The following NEK10 variants were observed in gnomAD, a reference collection of about 807,000 sequenced individuals.
NEK10 encodes NIMA related kinase 10.
In NEK10, 122 loss-of-function variants were observed where a neutral mutation model predicts 159.8. That is an observed-to-expected ratio of 0.76 (90% CI 0.66 to 0.89). NEK10 has a LOEUF of 0.89. Among genes scored for constraint, NEK10 ranks in the 40% least tolerant of loss-of-function variants. NEK10 has a pLI of 0.00. For missense variants in NEK10, 1,342 were observed against 1,323.1 expected (o/e 1.01, Z -0.22); for synonymous variants, 466 against 457.1 (o/e 1.02, Z -0.25).
intron 30 of NEK10, among the ~76,000 whole-genome samples, chr3:27,158,823 TAAC>T (rs1410821996): frequency 6.6e-6 from 1 of 152,206 alleles, no homozygotes; most frequent in Non-Finnish European, 1.5e-5. Context: ...ATAGAATCCA[TAAC>T]ATTATAGTAT....
In NEK10 at chr3:27,347,879, T is replaced by C. The variant is rs150491904; in HGVS notation, c.133-1663A>G. ...TTAGAAAATTTACTCAATCTCTCTG[T>C]GCATCAGTTTCTGTATCATTAAAAT... On this transcript the variant is annotated intron_variant, in intron 3 of 35. Coordinates refer to ENST00000691995, the MANE Select transcript of NEK10 (RefSeq NM_001394966.1). Among the ~76,000 whole-genome samples the C allele has an allele frequency of 3.9e-5, 6 of 152,300 alleles. No individual in the cohort carries two copies. The East Asian group carries it at 9.6e-4, about 24-fold the overall frequency.
At chr3:27,203,644 A>G (rs980202027) in intron 23 of NEK10, among the ~76,000 whole-genome samples, 1 of 152,192 alleles carries the variant, frequency 6.6e-6, no homozygotes, top group African/African-American at 2.4e-5. Context: ...GTCTGGCCTC[A>G]GTACTCTAAT....
rs1341849306 is a variant in NEK10, at chr3:27,211,229, T to C, written c.2091-8672A>G. Among the ~76,000 whole-genome samples, 3 of 152,208 alleles carry C rather than the reference T, an allele frequency of 2.0e-5. No homozygotes were observed. In the East Asian group the frequency reaches 5.8e-4, roughly 29 times the overall value. On this transcript the variant is annotated intron_variant, in intron 23 of 35. Coordinates refer to ENST00000691995, the MANE Select transcript of NEK10 (RefSeq NM_001394966.1). ...GCGACATTCCAATTTATGTAGAATC[T>C]GTTCATGAGATAATAAATGTGCAAG...
chr3:27,304,665 A>G, intron 12 of NEK10, 82 bp downstream of exon 12: 1 of 858,872 alleles, frequency 1.2e-6, no homozygotes, highest in Non-Finnish European at 2.0e-6. Context: ...ATGAGGTGAC[A>G]CACACCAATC....
intron 35 of NEK10, among the ~76,000 whole-genome samples, chr3:27,114,333 A>C (rs1312459400): frequency 6.6e-6 from 1 of 152,174 alleles, no homozygotes; most frequent in Non-Finnish European, 1.5e-5. Context: ...AAATCTCTCC[A>C]GGGATGGTGG....
intron 23 of NEK10, among the ~76,000 whole-genome samples, chr3:27,248,123 A>G (rs962509725): frequency 2.6e-5 from 4 of 151,802 alleles, no homozygotes; most frequent in African/African-American, 7.3e-5. Context: ...CTAGTAATTT[A>G]CTTACTTCTA....
intron 26 of NEK10, among the ~76,000 whole-genome samples, chr3:27,184,224 T>C (rs1047869308): frequency 3.3e-5 from 5 of 152,208 alleles, no homozygotes; most frequent in Non-Finnish European, 7.4e-5. Context: ...GGTGTAGTCA[T>C]ATAATTTAAC....
chr3:27,211,557 C>T (rs1951010132), intron 23 of NEK10, among the ~76,000 whole-genome samples: 1 of 152,090 alleles, frequency 6.6e-6, no homozygotes, highest in South Asian at 2.1e-4. Context: ...TCCATTAGGT[C>T]CAGTTTGGTA....
chr3:27,282,533 A>C (rs113646865), intron 22 of NEK10, among the ~76,000 whole-genome samples: 10,074 of 58,302 alleles, frequency 0.17, 1,226 homozygotes, highest in African/African-American at 0.27. Context: ...ATATACATAA[A>C]TGTGTTATAT....
intron 30 of NEK10, 75 bp downstream of exon 30, chr3:27,162,626 T>C (rs759723356): frequency 1.5e-5 from 24 of 1,614,056 alleles, no homozygotes; most frequent in Non-Finnish European, 1.9e-5. Context: ...GGGGGAAAGA[T>C]ATGAAACTGT....
At chr3:27,220,040 A>G (rs1017393606) in intron 23 of NEK10, among the ~76,000 whole-genome samples, 2 of 152,260 alleles carry the variant, frequency 1.3e-5, no homozygotes, top group Non-Finnish European at 2.9e-5. Flanking sequence ...TACACTAAAA[A>G]GAGCATAACA....
At chr3:27,274,218 T>A in intron 22 of NEK10, among the ~76,000 whole-genome samples, 1 of 152,174 alleles carries the variant, frequency 6.6e-6, no homozygotes, top group East Asian at 1.9e-4. Context: ...GGAAGGAACT[T>A]CTGTTTCTCA....
At chr3:27,166,377 G>GT (rs965352820) in intron 29 of NEK10, among the ~76,000 whole-genome samples, 1 of 151,768 alleles carries the variant, frequency 6.6e-6, no homozygotes, top group South Asian at 2.1e-4. Flanking sequence ...CTTACTATGT[G>GT]TTTTTTTGTT....
At chr3:27,309,287 T>C (rs1305585727) in intron 9 of NEK10, 1 of 188,984 alleles carries the variant, frequency 5.3e-6, no homozygotes, top group African/African-American at 2.3e-5. Flanking sequence ...AATATATCTT[T>C]ATAAACACTT....
At chr3:27,236,346 AT>A (rs1189413805) in intron 23 of NEK10, among the ~76,000 whole-genome samples, 6 of 152,166 alleles carry the variant, frequency 3.9e-5, no homozygotes, top group Non-Finnish European at 8.8e-5. Context: ...AAATGTATAT[AT>A]ACACTATGGA....
intron 6 of NEK10, among the ~76,000 whole-genome samples, chr3:27,318,224 T>C (rs904160018): frequency 1.3e-5 from 2 of 152,098 alleles, no homozygotes; most frequent in African/African-American, 4.8e-5. Flanking sequence ...TGTAGGAGGA[T>C]GAGAAAAAAG....
At chr3:27,147,968 G>A (rs1944467160) in intron 30 of NEK10, among the ~76,000 whole-genome samples, 1 of 152,102 alleles carries the variant, frequency 6.6e-6, no homozygotes, top group African/African-American at 2.4e-5. Context: ...TCAGACACTT[G>A]CCAAAGAACA....
intron 23 of NEK10, among the ~76,000 whole-genome samples, chr3:27,205,127 C>A (rs1950419379): frequency 6.6e-6 from 1 of 152,070 alleles, no homozygotes; most frequent in South Asian, 2.1e-4. Flanking sequence ...AGTGTCTGTT[C>A]ATGTCCTTCG....
chr3:27,284,460 C>A, intron 22 of NEK10, 142 bp downstream of exon 22: 2 of 581,356 alleles, frequency 3.4e-6, no homozygotes, highest in Non-Finnish European at 6.1e-6. Flanking sequence ...TGCTCAATAG[C>A]CACATGTGGC....
Sources: gnomAD v4.1 joint callset for allele counts (sites outside exome capture counted in the v4.1 genomes callset) on GRCh38, gnomAD v4.1.1 for gene constraint, MANE v1.5 for transcripts, NCBI Gene and HGNC (gene_info 2026-07-23, HGNC 2026-07-21) for gene names.